VOPP1: variants seen among roughly 807,000 people sequenced by gnomAD.
VOPP1 encodes WW domain binding protein VOPP1.
A neutral mutation model predicts 23.5 loss-of-function variants in VOPP1; 8 were observed. That is an observed-to-expected ratio of 0.34 (90% confidence interval 0.20 to 0.61). VOPP1 has a LOEUF of 0.61. Among genes scored for constraint, VOPP1 ranks in the 20% least tolerant of loss-of-function variants. VOPP1 has a pLI of 0.78. For synonymous variants in VOPP1, 83 were observed against 97.3 expected, an observed-to-expected ratio of 0.85 and a Z score of 0.86; for missense variants, 174 against 238.1, an observed-to-expected ratio of 0.73 and a Z score of 1.77.
At chr7:55,445,230 GACACACACACACAGACAC>G (rs1441503307) in intron 4 of VOPP1, among the ~76,000 whole-genome samples, 10 of 132,970 alleles carry the variant, frequency 7.5e-5, no homozygotes, top group African/African-American at 3.3e-4. Context: ...CACACACACA[GACACACACACACAGACAC>G]ACACACACAC....
chr7:55,565,881 G>A (rs896802291), intron 1 of VOPP1, among the ~76,000 whole-genome samples: 2 of 152,170 alleles, frequency 1.3e-5, no homozygotes, highest in African/African-American at 4.8e-5. Flanking sequence ...AGTGCCAGTG[G>A]GGAGGACCTG....
intron 2 of VOPP1, among the ~76,000 whole-genome samples, chr7:55,498,237 G>A (rs1385844520): frequency 2.6e-5 from 4 of 152,252 alleles, no homozygotes; most frequent in African/African-American, 9.6e-5. Context: ...CAAAATGAGT[G>A]GAACTGCAGG....
chr7:55,571,170 C>G (rs6593259), intron 1 of VOPP1, among the ~76,000 whole-genome samples: 152,266 of 152,280 alleles, frequency 1, 76,126 homozygotes, highest in Non-Finnish European at 1. Context: ...TACCAAGCTA[C>G]GGGGATATTT....
At chr7:55,438,288 A>G (rs886288066) in intron 4 of VOPP1, among the ~76,000 whole-genome samples, 4 of 152,168 alleles carry the variant, frequency 2.6e-5, no homozygotes, top group African/African-American at 7.2e-5. Context: ...GTGCTTACTC[A>G]GCACCAGACA....
intron 4 of VOPP1, among the ~76,000 whole-genome samples, chr7:55,484,088 A>T (rs1792948999): frequency 6.6e-6 from 1 of 152,228 alleles, no homozygotes; most frequent in Non-Finnish European, 1.5e-5. Context: ...GAGTGTTAAC[A>T]CATTCCTCTT....
chr7:55,569,554 T>C (rs1244484336), intron 1 of VOPP1, among the ~76,000 whole-genome samples: 1 of 152,142 alleles, frequency 6.6e-6, no homozygotes, highest in African/African-American at 2.4e-5. Flanking sequence ...CCCTCACACT[T>C]AACAGCAGTG....
chr7:55,471,577 T>G lies in VOPP1; in HGVS notation c.*1278A>C, dbSNP rs1231074932. On this transcript the variant is annotated 3_prime_UTR_variant, in exon 5 of 5. Coordinates refer to ENST00000285279, the MANE Select transcript of VOPP1 (RefSeq NM_030796.5). ...CATAGCTCTTAGCACACAGGACAGG[T>G]CAGCGTTCACACATCAACACTATAA... 1.3e-5 allele frequency: 2 copies of G among 150,656 alleles called. No homozygotes were observed. The highest frequency in any genetic ancestry group is 3.0e-5 in the Non-Finnish European group (2 of 67,456). 9.3% of individuals were successfully genotyped at this position (150,656 alleles called of 1,614,324 possible).
At chr7:55,497,558 G>C (rs934011566) in intron 3 of VOPP1, 55 bp downstream of exon 3, 14,139 of 240,650 alleles carry the variant, frequency 0.059, 410 homozygotes, top group African/African-American at 0.3. Context: ...CACTGATGGG[G>C]GGGGGGGGGG....
chr7:55,507,512 C>T (rs1228885852), intron 2 of VOPP1, among the ~76,000 whole-genome samples: 1 of 152,152 alleles, frequency 6.6e-6, no homozygotes, highest in Non-Finnish European at 1.5e-5. Flanking sequence ...CAAGATACCA[C>T]CACAATGAAA....
chr7:55,517,368 C>G (rs946482267), intron 2 of VOPP1, among the ~76,000 whole-genome samples: 1 of 152,100 alleles, frequency 6.6e-6, no homozygotes, highest in African/African-American at 2.4e-5. Flanking sequence ...CACACCACAA[C>G]GCACCACAAC....
At chr7:55,517,439 C>T (rs1308358978) in intron 2 of VOPP1, among the ~76,000 whole-genome samples, 1 of 152,106 alleles carries the variant, frequency 6.6e-6, no homozygotes, top group African/African-American at 2.4e-5. Flanking sequence ...GCAGCCATCA[C>T]CATCCCCGGG....
chr7:55,510,653 T>C (rs1303119666), intron 2 of VOPP1, among the ~76,000 whole-genome samples: 2 of 151,782 alleles, frequency 1.3e-5, no homozygotes, highest in Middle Eastern at 3.4e-3. Context: ...GAGGCCTGTG[T>C]TGGTGAGACC....
At chr7:55,538,773 G>T in intron 1 of VOPP1, 2 of 826,478 alleles carry the variant, frequency 2.4e-6, no homozygotes, top group Non-Finnish European at 3.6e-6. Flanking sequence ...AATGCTGTGG[G>T]TTTGAGCTGC....
At chr7:55,563,047 T>C (rs1184856529) in intron 1 of VOPP1, among the ~76,000 whole-genome samples, 1 of 152,208 alleles carries the variant, frequency 6.6e-6, no homozygotes, top group East Asian at 1.9e-4. Flanking sequence ...CCAGTAAATT[T>C]TACTGTTTAT....
chr7:55,495,692 C>T (rs142696340), intron 3 of VOPP1, among the ~76,000 whole-genome samples: 1 of 152,258 alleles, frequency 6.6e-6, no homozygotes, highest in African/African-American at 2.4e-5. Context: ...TCCATAAAAC[C>T]CCAGCACAAT....
At chr7:55,467,100 A>C (rs1018102968), downstream of VOPP1, among the ~76,000 whole-genome samples, 1 of 152,190 alleles carries the variant, frequency 6.6e-6, no homozygotes, top group Non-Finnish European at 1.5e-5. Flanking sequence ...TGGGAATCTA[A>C]TGCCACTGCT....
intron 2 of VOPP1, among the ~76,000 whole-genome samples, chr7:55,509,901 C>G (rs942436163): frequency 6.6e-6 from 1 of 152,168 alleles, no homozygotes; most frequent in Non-Finnish European, 1.5e-5. Flanking sequence ...TCATGCCCAC[C>G]GCCTGTTCCT....
At chr7:55,466,158 TGA>T, downstream of VOPP1, among the ~76,000 whole-genome samples, 1 of 152,238 alleles carries the variant, frequency 6.6e-6, no homozygotes, top group East Asian at 1.9e-4. Context: ...ACTGCATTCC[TGA>T]CCTTAGACTT....
At chr7:55,552,588 A>C in intron 1 of VOPP1, 1 of 1,535,684 alleles carries the variant, frequency 6.5e-7, no homozygotes. Context: ...ACGCTAAGTG[A>C]TTGATGCCTC....
Sources: gnomAD v4.1 joint callset for allele counts (sites outside exome capture counted in the v4.1 genomes callset) on GRCh38, gnomAD v4.1.1 for gene constraint, MANE v1.5 for transcripts, NCBI Gene and HGNC (gene_info 2026-07-23, HGNC 2026-07-21) for gene names.